PCDHGA1: variants seen among roughly 807,000 people sequenced by gnomAD.
PCDHGA1 encodes protocadherin gamma subfamily A, 1.
A neutral mutation model predicts 58.0 loss-of-function variants in PCDHGA1; 32 were observed. The ratio of observed to expected loss-of-function variants is 0.55; its 90% confidence interval spans 0.42 to 0.74. PCDHGA1 has a LOEUF of 0.74. PCDHGA1 is among the 30% of genes least tolerant of loss of function. The probability of loss-of-function intolerance (pLI) is 0.00; values close to 1 mark genes in which losing one functional copy is unlikely to be tolerated. For synonymous variants in PCDHGA1, 498 were observed against 501.1 expected, an observed-to-expected ratio of 0.99 and a Z score of 0.08; for missense variants, 1,205 against 1,182.3, an observed-to-expected ratio of 1.02 and a Z score of -0.28.
intron 1 of PCDHGA1, among the ~76,000 whole-genome samples, chr5:141,462,218 C>T (rs2099034952): frequency 6.6e-6 from 1 of 152,180 alleles, no homozygotes; most frequent in African/African-American, 2.4e-5. Context: ...CCTCGGCCTC[C>T]CAAAGTGCAG....
chr5:141,404,001 C>T, intron 1 of PCDHGA1: 8 of 1,613,870 alleles, frequency 5.0e-6, no homozygotes, highest in South Asian at 1.1e-5. Context: ...GTGACCATTA[C>T]ATCTCTGTTT....
At chr5:141,454,665 CA>C (rs2098795764) in intron 1 of PCDHGA1, among the ~76,000 whole-genome samples, 3 of 152,058 alleles carry the variant, frequency 2.0e-5, no homozygotes, top group Non-Finnish European at 4.4e-5. Flanking sequence ...CTCGGCCTCC[CA>C]AAACACTGGG....
intron 1 of PCDHGA1, among the ~76,000 whole-genome samples, chr5:141,368,980 A>G (rs907841049): frequency 4.6e-5 from 7 of 152,190 alleles, no homozygotes; most frequent in Non-Finnish European, 7.3e-5. Context: ...CTTTTCCACT[A>G]TAAGGTGAAT....
Position 141,421,984 on chromosome 5 carries a change from C to G in PCDHGA1, c.2422-72823C>G, listed in dbSNP as rs201871921. On this transcript the variant is annotated intron_variant, in intron 1 of 3. Transcript: ENST00000517417. ...ACAGTCCGTATATCGCGTGAGTGTT[C>G]CAGAAAACATCAGCTCCGGAACTCG... 21 of 1,608,770 alleles carry G rather than the reference C, an allele frequency of 1.3e-5. No homozygotes were observed. In the Admixed American group the frequency reaches 2.4e-4, roughly 18 times the overall value.
At chr5:141,410,849 C>CTTGTTTTTTTTTTTTTTT (rs2095431880) in intron 1 of PCDHGA1, 1 of 129,786 alleles carries the variant, frequency 7.7e-6, no homozygotes, top group African/African-American at 6.0e-5. Context: ...TTGTCTTTGT[C>CTTGTTTTTTTTTTTTTTT]TTTTTTTTTT....
rs553104661 is a variant in PCDHGA1 at position 141,460,009 on chromosome 5, C to T, written c.2422-34798C>T. ...AGGAGAATCGCTTGAACCCAGGAGG[C>T]GGAGGTTGCAGTGAGCCGAGACTGC... On this transcript the variant is annotated intron_variant, in intron 1 of 3. Coordinates refer to ENST00000517417, the MANE Select transcript of PCDHGA1 (RefSeq NM_018912.3). 9.9e-4 allele frequency among the ~76,000 whole-genome samples: 150 copies of T among 152,212 alleles called. 1 individual carries two copies. The highest frequency in any genetic ancestry group is 3.4e-3 in the Middle Eastern group (1 of 294).
At chr5:141,418,817 G>A (rs2154547923) in intron 1 of PCDHGA1, 1 of 1,613,882 alleles carries the variant, frequency 6.2e-7, no homozygotes, top group Non-Finnish European at 8.5e-7. Flanking sequence ...GATAAACATA[G>A]AAGCAAAAGA....
chr5:141,395,302 T>C, intron 1 of PCDHGA1: 1 of 1,516,670 alleles, frequency 6.6e-7, no homozygotes, highest in East Asian at 2.3e-5. Flanking sequence ...AATTATGTTT[T>C]GAAAAACATT....
intron 1 of PCDHGA1, chr5:141,411,661 C>T (rs2095505180): frequency 6.6e-6 from 1 of 150,762 alleles, no homozygotes; most frequent in African/African-American, 2.4e-5. Context: ...GGTGGAGAAT[C>T]TCTTGAGCGC....
intron 1 of PCDHGA1, among the ~76,000 whole-genome samples, chr5:141,447,993 T>A (rs2098557542): frequency 6.6e-6 from 1 of 151,554 alleles, no homozygotes; most frequent in Non-Finnish European, 1.5e-5. Context: ...GGCTGAGGCA[T>A]GAGAATCGCT....
rs575694126 is a variant in PCDHGA1 at position 141,399,993 on chromosome 5, G to A, written c.2421+66888G>A. 3.1e-5 allele frequency: 50 copies of A among 1,612,336 alleles called. 1 individual carries two copies. Among genetic ancestry groups the A allele is most frequent in the Middle Eastern group, 1.8e-4 (1 of 5,462 alleles). On this transcript the variant is annotated intron_variant, in intron 1 of 3. Transcript: ENST00000517417. ...GCCTGGGGCTGCGCACAGGAGAGGT[G>A]CGCACAGCGCGTGCCTTGGGCGACA...
In PCDHGA1 at chr5:141,357,431, A is replaced by G. The variant is rs780395182; in HGVS notation, c.2421+24326A>G. 15 of 1,614,198 alleles carry G rather than the reference A, an allele frequency of 9.3e-6. No homozygotes were observed. Among genetic ancestry groups the G allele is most frequent in the Non-Finnish European group, 1.2e-5 (14 of 1,180,042 alleles). On this transcript the variant is annotated intron_variant, in intron 1 of 3. Transcript: ENST00000517417. The stretch of plus-strand genomic sequence containing the variant: ...CCTGCCTCGCACTTTGTGGGCGTGG[A>G]CGGGGTTCGGGCTTTCCTGCAGACC...
At chr5:141,461,456 T>C (rs12186717) in intron 1 of PCDHGA1, among the ~76,000 whole-genome samples, 42,391 of 152,030 alleles carry the variant, frequency 0.28, 6,631 homozygotes, top group African/African-American at 0.43. Context: ...AATGGCTATT[T>C]GTGTCCTTTG....
chr5:141,385,102 G>T (rs370391349), intron 1 of PCDHGA1: 1 of 1,614,056 alleles, frequency 6.2e-7, no homozygotes, highest in South Asian at 1.1e-5. Context: ...CTTGGCGAAC[G>T]TGCCCACCTC....
rs139344941 is a variant in PCDHGA1, at chr5:141,480,950, C to T, written c.2422-13857C>T. Among the ~76,000 whole-genome samples the T allele has an allele frequency of 6.7e-3, 1,016 of 152,086 alleles. 11 individuals carry two copies. Among genetic ancestry groups the T allele is most frequent in the African/African-American group, 0.023 (953 of 41,456 alleles). On this transcript the variant is annotated intron_variant, in intron 1 of 3. Transcript: ENST00000517417. ...GTCCCAGCTACTCTAGAGGCTGAGG[C>T]GGAAGCATCAGTGAGGGAGAATCAG...
rs559975786 is a variant in PCDHGA1, at chr5:141,406,591, A to G, written c.2421+73486A>G. Among the ~76,000 whole-genome samples, 5 of 152,282 alleles carry G rather than the reference A, an allele frequency of 3.3e-5. No homozygotes were observed. The East Asian group carries it at 9.6e-4, about 29-fold the overall frequency. On this transcript the variant is annotated intron_variant, in intron 1 of 3. Transcript: ENST00000517417. ...CTAGTAAACCAATTTTTTCCCTTTAATGGTGAAAGTTGTCACATCTTTTAT... is the reference window on the plus strand; with the variant it reads ...CTAGTAAACCAATTTTTTCCCTTTAGTGGTGAAAGTTGTCACATCTTTTAT...
rs771406105 is a variant in PCDHGA1, at chr5:141,330,741, T to C, written c.57T>C (p.Ser19=). ...GCAGGCTGATGCTTCTGTGTCTTTCTCTGGAGCTGCTGTTGGAAGCTGGGG... is the reference window on the plus strand; with the variant it reads ...GCAGGCTGATGCTTCTGTGTCTTTCCCTGGAGCTGCTGTTGGAAGCTGGGG... ...GCSRLMLLCL[S]LELLLEAGAG... The change falls in exon 1 of 4, where the codon TCT becomes TCC. Residue 19 remains serine (S), a synonymous_variant. Coordinates refer to ENST00000517417, the MANE Select transcript of PCDHGA1 (RefSeq NM_018912.3). 4 of 1,613,890 alleles carry C rather than the reference T, an allele frequency of 2.5e-6. No individual in the cohort carries two copies. The African/African-American group carries it at 5.3e-5, about 22-fold the overall frequency.
chr5:141,365,621 C>A (rs1764025097), intron 1 of PCDHGA1: 2 of 1,613,576 alleles, frequency 1.2e-6, no homozygotes, highest in Non-Finnish European at 8.5e-7. Context: ...TGGAACCCCG[C>A]CCCTCTCTAC....
chr5:141,388,289 A>T (rs1463991755), intron 1 of PCDHGA1: 14 of 1,613,522 alleles, frequency 8.7e-6, no homozygotes, highest in Non-Finnish European at 1.2e-5. Flanking sequence ...AATTCACGCA[A>T]AATTCCTTTG....
Sources: gnomAD v4.1 joint callset for allele counts (sites outside exome capture counted in the v4.1 genomes callset) on GRCh38, gnomAD v4.1.1 for gene constraint, MANE v1.5 for transcripts, NCBI Gene and HGNC (gene_info 2026-07-23, HGNC 2026-07-21) for gene names.